Variants in SHISA9 observed in about 807,000 individuals in gnomAD.
The protein encoded by SHISA9 is protein shisa-9.
Under a neutral mutation model 38.0 loss-of-function variants are expected in SHISA9, and 13 were observed. The ratio of observed to expected loss-of-function variants is 0.34; its 90% CI spans 0.22 to 0.54. The LOEUF is 0.54. SHISA9 is among the 20% of genes least tolerant of loss of function. The pLI, the probability that SHISA9 is intolerant of heterozygous loss-of-function variation, is 0.91. For missense variants in SHISA9, 538 were observed against 575.8 expected (o/e 0.93, Z 0.67); for synonymous variants, 275 against 242.0 (o/e 1.14, Z -1.27).
intron 2 of SHISA9, among the ~76,000 whole-genome samples, chr16:12,925,447 ATG>A (rs1555500777): frequency 5.3e-4 from 35 of 66,218 alleles, no homozygotes; most frequent in South Asian, 7.2e-4. Context: ...GTGTGTGTGT[ATG>A]TGTGTGTGTG....
chr16:13,070,233 T>C (rs1420047281), intron 2 of SHISA9, among the ~76,000 whole-genome samples: 1 of 152,060 alleles, frequency 6.6e-6, no homozygotes, highest in Non-Finnish European at 1.5e-5. Flanking sequence ...TTTCCATTTT[T>C]TCTCCCCGTG....
the SHISA9 span, among the ~76,000 whole-genome samples, chr16:13,420,245 CAAAA>C: frequency 8.1e-4 from 41 of 50,404 alleles, no homozygotes; most frequent in South Asian, 0.01. Flanking sequence ...GAATCTGTTT[CAAAA>C]AAAAAAAAAA....
At chr16:13,301,007 C>G in the SHISA9 span, among the ~76,000 whole-genome samples, 1 of 151,992 alleles carries the variant, frequency 6.6e-6, no homozygotes, top group African/African-American at 2.4e-5. Flanking sequence ...AATATTGACT[C>G]CTTCTCTTTT....
At chr16:13,402,287 A>C in the SHISA9 span, among the ~76,000 whole-genome samples, 6 of 152,222 alleles carry the variant, frequency 3.9e-5, no homozygotes, top group Middle Eastern at 3.4e-3. Context: ...CAGGTGAGCC[A>C]ATGGTAAATT....
chr16:13,559,318 A>G, the SHISA9 span, among the ~76,000 whole-genome samples: 1 of 152,154 alleles, frequency 6.6e-6, no homozygotes, highest in African/African-American at 2.4e-5. Context: ...GATTAGCCCA[A>G]GATCACACAG....
At chr16:13,261,219 A>G in the SHISA9 span, among the ~76,000 whole-genome samples, 229 of 152,256 alleles carry the variant, frequency 1.5e-3, 2 homozygotes, top group African/African-American at 5.3e-3. Flanking sequence ...GTGAAATATG[A>G]CATACTCTGT....
At chr16:13,432,296 C>G in the SHISA9 span, among the ~76,000 whole-genome samples, 1 of 152,052 alleles carries the variant, frequency 6.6e-6, no homozygotes, top group Admixed American at 6.6e-5. Context: ...TGCCTGTTCC[C>G]CAGGAACACT....
At chr16:13,430,186 T>C in the SHISA9 span, among the ~76,000 whole-genome samples, 1 of 152,124 alleles carries the variant, frequency 6.6e-6, no homozygotes, top group African/African-American at 2.4e-5. Flanking sequence ...AGAAAACAAA[T>C]TTGTGTTGTT....
chr16:13,466,410 G>A, the SHISA9 span, among the ~76,000 whole-genome samples: 1 of 152,188 alleles, frequency 6.6e-6, no homozygotes, highest in South Asian at 2.1e-4. Context: ...CCTGTGATTA[G>A]GGTCAGTGAA....
chr16:13,186,287 C>CTTTTTTTTTTTTTTTTTTTTT, intron 2 of SHISA9, among the ~76,000 whole-genome samples: 1 of 123,814 alleles, frequency 8.1e-6, no homozygotes, highest in Non-Finnish European at 1.7e-5. Flanking sequence ...ACCATCTTAA[C>CTTTTTTTTTTTTTTTTTTTTT]CTTTTTTTTT....
At chr16:13,366,857 C>G in the SHISA9 span, among the ~76,000 whole-genome samples, 2 of 151,742 alleles carry the variant, frequency 1.3e-5, no homozygotes, top group South Asian at 4.2e-4. Context: ...GTGGCACATG[C>G]CTGTAATCCT....
At chr16:13,453,068 C>G in the SHISA9 span, among the ~76,000 whole-genome samples, 1 of 151,952 alleles carries the variant, frequency 6.6e-6, no homozygotes, top group Non-Finnish European at 1.5e-5. Context: ...GCCACCATAC[C>G]TGGCTAATTT....
At chr16:13,169,724 T>C (rs17832654) in intron 2 of SHISA9, among the ~76,000 whole-genome samples, 11,687 of 152,270 alleles carry the variant, frequency 0.077, 564 homozygotes, top group Middle Eastern at 0.14. Flanking sequence ...GTCTTTGTAG[T>C]ATAGTCTTTA....
chr16:13,535,481 G>T, the SHISA9 span, among the ~76,000 whole-genome samples: 1 of 152,138 alleles, frequency 6.6e-6, no homozygotes, highest in Non-Finnish European at 1.5e-5. Context: ...TGCTCCTTGA[G>T]CCCAAGCCAG....
intron 2 of SHISA9, among the ~76,000 whole-genome samples, chr16:13,027,905 T>C (rs1342705230): frequency 8.3e-6 from 1 of 120,706 alleles, no homozygotes; most frequent in African/African-American, 3.4e-5. Context: ...CTGGCCTGGG[T>C]GACTAGAGTG....
chr16:13,159,356 C>G (rs2050575860), intron 2 of SHISA9, among the ~76,000 whole-genome samples: 1 of 152,184 alleles, frequency 6.6e-6, no homozygotes, highest in South Asian at 2.1e-4. Context: ...CTTTTCCTAG[C>G]TGTGGAAGAG....
chr16:13,430,503 C>T, the SHISA9 span, among the ~76,000 whole-genome samples: 2,044 of 152,258 alleles, frequency 0.013, 51 homozygotes, highest in African/African-American at 0.046. Flanking sequence ...GTTGTTTGCC[C>T]CTGGCACCCT....
the SHISA9 span, among the ~76,000 whole-genome samples, chr16:13,250,764 TG>T: frequency 6.6e-6 from 1 of 152,192 alleles, no homozygotes; most frequent in African/African-American, 2.4e-5. Context: ...CAGACTCTGT[TG>T]GCTGGAACCC....
chr16:12,950,766 C>T (rs1181901325), intron 2 of SHISA9, among the ~76,000 whole-genome samples: 1 of 151,008 alleles, frequency 6.6e-6, no homozygotes, highest in African/African-American at 2.4e-5. Flanking sequence ...CCACGGCTGG[C>T]TAAATTTTTT....
Sources: allele counts gnomAD v4.1 joint callset (sites outside exome capture counted in the v4.1 genomes callset), GRCh38; gene constraint gnomAD v4.1.1; transcripts MANE v1.5; gene names NCBI Gene and HGNC (gene_info 2026-07-23, HGNC 2026-07-21).